The following DNAJC13 variants were observed in gnomAD, a reference collection of about 807,000 sequenced individuals.
DNAJC13 encodes DnaJ heat shock protein family (Hsp40) member C13, also known as dnaJ homolog subfamily C member 13.
A neutral mutation model predicts 290.5 loss-of-function variants in DNAJC13; 75 were observed. The ratio of observed to expected loss-of-function variants is 0.26; its 90% CI spans 0.21 to 0.31. DNAJC13 has a LOEUF of 0.31. Ranked by LOEUF, DNAJC13 falls within the 10% of genes least tolerant of loss-of-function variation. DNAJC13 has a pLI of 1.00. For missense variants in DNAJC13, 2,260 were observed against 2,674.5 expected (o/e 0.85, Z 3.42); for synonymous variants, 862 against 892.0 (o/e 0.97, Z 0.60).
chr3:132,422,062 A>T, intron 1 of DNAJC13, among the ~76,000 whole-genome samples: 1 of 145,514 alleles, frequency 6.9e-6, no homozygotes. Flanking sequence ...TTCAGACCTC[A>T]CTCTGTTGCC....
intron 22 of DNAJC13, among the ~76,000 whole-genome samples, chr3:132,476,648 T>C (rs1934482600): frequency 6.6e-6 from 1 of 152,182 alleles, no homozygotes; most frequent in Non-Finnish European, 1.5e-5. Flanking sequence ...TTCTTTTATC[T>C]CATATCCTAC....
chr3:132,538,780 T>C lies in DNAJC13; in HGVS notation c.*498T>C, dbSNP rs1011344236. 1 of 152,488 alleles carries C rather than the reference T, an allele frequency of 6.6e-6. No homozygotes were observed. Among genetic ancestry groups the C allele is most frequent in the Admixed American group, 6.5e-5 (1 of 15,274 alleles). 9.4% of individuals were successfully genotyped at this position (152,488 alleles called of 1,614,324 possible). On this transcript the variant is annotated 3_prime_UTR_variant, in exon 56 of 56. Transcript: ENST00000260818. The stretch of plus-strand genomic sequence containing the variant: ...CACCCTTCACTGGCATCCTCAATCA[T>C]TAACCTTCTGAAAGCTCACAGTACA...
intron 54 of DNAJC13, among the ~76,000 whole-genome samples, chr3:132,530,171 A>G (rs1327705580): frequency 1.3e-5 from 2 of 152,080 alleles, no homozygotes; most frequent in Admixed American, 6.5e-5. Context: ...TTGGACTCAC[A>G]TGGTCCCCTT....
At chr3:132,508,230 A>G (rs2107728383) in intron 43 of DNAJC13, among the ~76,000 whole-genome samples, 1 of 152,332 alleles carries the variant, frequency 6.6e-6, no homozygotes, top group South Asian at 2.1e-4. Flanking sequence ...GGATTGGCTC[A>G]TGAGGTTTAA....
intron 26 of DNAJC13, among the ~76,000 whole-genome samples, chr3:132,481,953 A>G (rs1934690656): frequency 6.6e-6 from 1 of 152,216 alleles, no homozygotes; most frequent in African/African-American, 2.4e-5. Context: ...TGGGGAATGT[A>G]GATGTCACTG....
At chr3:132,432,001 T>C (rs916860258) in intron 1 of DNAJC13, among the ~76,000 whole-genome samples, 2 of 152,178 alleles carry the variant, frequency 1.3e-5, no homozygotes, top group African/African-American at 4.8e-5. Flanking sequence ...AAAGAGTGAA[T>C]TTGTGGTATG....
intron 26 of DNAJC13, 57 bp from the exon 27 acceptor site, chr3:132,482,169 C>T: frequency 6.8e-7 from 1 of 1,460,304 alleles, no homozygotes; most frequent in Non-Finnish European, 9.4e-7. Flanking sequence ...TGTTTTACGA[C>T]ATCTGGTCTT....
At chr3:132,518,676 G>T (rs1275508459) in intron 48 of DNAJC13, among the ~76,000 whole-genome samples, 2 of 151,906 alleles carry the variant, frequency 1.3e-5, no homozygotes, top group African/African-American at 4.8e-5. Context: ...TTCCTTTTTG[G>T]TAACAGTTTT....
chr3:132,491,698 T>C (rs1641093037), intron 32 of DNAJC13, among the ~76,000 whole-genome samples: 1 of 152,112 alleles, frequency 6.6e-6, no homozygotes, highest in South Asian at 2.1e-4. Context: ...GGCTATCTCT[T>C]TTTGGAGAAC....
chr3:132,532,583 T>TGA (rs1559917177), intron 55 of DNAJC13, among the ~76,000 whole-genome samples: 3 of 152,138 alleles, frequency 2.0e-5, no homozygotes, highest in Admixed American at 6.5e-5. Flanking sequence ...GTTAAAATTA[T>TGA]AGCTTCTAAG....
chr3:132,484,068 A>G (rs191083005), intron 28 of DNAJC13, among the ~76,000 whole-genome samples: 29 of 152,330 alleles, frequency 1.9e-4, no homozygotes, highest in Admixed American at 1.7e-3. Flanking sequence ...ATTTTGATTC[A>G]TTACTGTACT....
Position 132,453,412 on chromosome 3 carries a change from T to C in DNAJC13, c.652T>C (p.Tyr218His). Residue 218 changes from tyrosine (Y) to histidine (H), a missense_variant, in exon 7 of 56, where the codon TAT (tyrosine) becomes CAT (histidine). Tyr to His is a moderately conservative substitution (Grantham distance 83, BLOSUM62 2). Around this residue, in one of 3 missense-constraint regions of DNAJC13, gnomAD observed 762 missense variants for 964.1 expected, o/e 0.79. Coordinates refer to ENST00000260818, the MANE Select transcript of DNAJC13 (RefSeq NM_015268.4). ...GAAAGAGCCTTTAGAATTCGAGCAA[T>C]ATTTGAATCTTCGCTTTGGAAAATA... Reference protein sequence around the residue: ...IRKEPLEFEQYLNLRFGKYST... With the variant: ...IRKEPLEFEQHLNLRFGKYST... The C allele has an allele frequency of 6.2e-7, 1 of 1,613,994 alleles. No homozygotes were observed.
intron 55 of DNAJC13, among the ~76,000 whole-genome samples, chr3:132,531,850 G>A (rs1339854454): frequency 6.6e-6 from 1 of 151,968 alleles, no homozygotes; most frequent in Non-Finnish European, 1.5e-5. Flanking sequence ...TTATGGTTTT[G>A]CTAAATATTT....
At chr3:132,465,899 A>G in intron 17 of DNAJC13, 96 bp from the exon 18 acceptor site, 1 of 734,888 alleles carries the variant, frequency 1.4e-6, no homozygotes, top group African/African-American at 1.8e-5. Flanking sequence ...CTGTAGCCGT[A>G]TTTTTTATAA....
intron 1 of DNAJC13, among the ~76,000 whole-genome samples, chr3:132,430,649 T>C (rs1939216000): frequency 6.6e-6 from 1 of 152,184 alleles, no homozygotes; most frequent in Admixed American, 6.5e-5. Flanking sequence ...ATTCACCTTT[T>C]CTATCTGCCT....
chr3:132,456,763 G>C lies in DNAJC13; in HGVS notation c.1280G>C (p.Ser427Thr), dbSNP rs773691954. 10 of 1,614,090 alleles carry C rather than the reference G, an allele frequency of 6.2e-6. No homozygotes were observed. The highest frequency in any genetic ancestry group is 8.5e-6 in the Non-Finnish European group (10 of 1,179,956). Residue 427 changes from serine (S) to threonine (T), a missense_variant, in exon 12 of 56, where the codon AGT (serine) becomes ACT (threonine). By Grantham distance (58) the Ser-to-Thr change is moderately conservative (BLOSUM62 1). This residue lies in a region of DNAJC13 where 762 missense variants were observed against 964.1 expected (regional missense o/e 0.79). Transcript: ENST00000260818. The part of the protein sequence containing the change: ...DVVASNAELE[S>T]QFQAVRRLVA... ...GTTGCTTCAAATGCGGAACTTGAGA[G>C]TCAGTTCCAGGCTGTGAGGAGGCTT...
At chr3:132,419,892 C>A (rs1938904497) in intron 1 of DNAJC13, among the ~76,000 whole-genome samples, 1 of 152,168 alleles carries the variant, frequency 6.6e-6, no homozygotes, top group East Asian at 1.9e-4. Context: ...ATTAGTAACA[C>A]CTTCTTTGCT....
chr3:132,494,740 G>A (rs539578854), intron 34 of DNAJC13, among the ~76,000 whole-genome samples: 4 of 152,124 alleles, frequency 2.6e-5, no homozygotes, highest in African/African-American at 7.2e-5. Flanking sequence ...TGTATATTTT[G>A]GCAAGACTGA....
At chr3:132,473,003 GATTTT>G in intron 20 of DNAJC13, 137 bp from the exon 21 acceptor site, 1 of 631,242 alleles carries the variant, frequency 1.6e-6, no homozygotes, top group Non-Finnish European at 2.8e-6. Flanking sequence ...ATGTTTTATA[GATTTT>G]ATTTATTCCG....
Sources: gnomAD v4.1 joint callset for allele counts (sites outside exome capture counted in the v4.1 genomes callset) on GRCh38, gnomAD v4.1.1 for gene constraint, gnomAD v4.1.1 regional missense constraint, MANE v1.5 for transcripts, NCBI Gene and HGNC (gene_info 2026-07-23, HGNC 2026-07-21) for gene names.